Variants in ARHGEF17 observed in about 807,000 individuals in gnomAD.
ARHGEF17 encodes Rho guanine nucleotide exchange factor 17, also known as 164 kDa Rho-specific guanine-nucleotide exchange factor.
ARHGEF17 carries 80 observed loss-of-function variants against 174.0 expected under a neutral mutation model. The observed-to-expected ratio is 0.46, with a 90% CI of 0.38 to 0.55. The LOEUF is 0.55. Among genes scored for constraint, ARHGEF17 ranks in the 20% least tolerant of loss-of-function variants. The pLI is 0.00. For synonymous variants in ARHGEF17, 1,311 were observed against 1,189.1 expected, an observed-to-expected ratio of 1.10 and a Z score of -2.11; for missense variants, 2,886 against 2,839.7, an observed-to-expected ratio of 1.02 and a Z score of -0.37.
rs1435884569 is a variant in ARHGEF17 at position 73,363,287 on chromosome 11, T to C, written c.5078T>C (p.Leu1693Pro). The part of the protein sequence containing the change: ...EEEQEPGFLP[L>P]SGSFGPGGPC... The stretch of plus-strand genomic sequence containing the variant: ...GAGCAGGAGCCAGGCTTCCTGCCAC[T>C]GTCTGGCTCCTTTGGGCCTGGTGGT... Residue 1693 changes from leucine (L) to proline (P), a missense_variant, in exon 15 of 21, where the codon CTG becomes CCG. Physicochemically the swap from Leu to Pro is moderately conservative, Grantham distance 98 (BLOSUM62 -3). This residue lies in a region of ARHGEF17 where 476 missense variants were observed against 473.1 expected (regional missense o/e 1.01). Coordinates refer to ENST00000263674, the MANE Select transcript of ARHGEF17 (RefSeq NM_014786.4). 13 of 1,611,584 alleles carry C rather than the reference T, an allele frequency of 8.1e-6. No homozygotes were observed. The highest frequency in any genetic ancestry group is 1.1e-5 in the Non-Finnish European group (13 of 1,178,840).
At chr11:73,360,688 C>CA (rs1865724140) in intron 11 of ARHGEF17, among the ~76,000 whole-genome samples, 155 bp downstream of exon 11, 1 of 152,166 alleles carries the variant, frequency 6.6e-6, no homozygotes, top group Non-Finnish European at 1.5e-5. Context: ...AGTGAAACAT[C>CA]AGACTGAATA....
Position 73,311,837 on chromosome 11 carries a change from C to T in ARHGEF17, c.3192+7C>T, listed in dbSNP as rs1392234216. On this transcript the variant is annotated splice_region_variant and intron_variant, in intron 1 of 20. Coordinates refer to ENST00000263674, the MANE Select transcript of ARHGEF17 (RefSeq NM_014786.4). ...CTGCAGCAAGCCACAGGTGGTGAGT[C>T]CTTTGTAGGGGCCTTCAGATTGGGG... 7.5e-6 allele frequency: 12 copies of T among 1,590,210 alleles called. No homozygotes were observed. Among genetic ancestry groups the T allele is most frequent in the Non-Finnish European group, 9.4e-6 (11 of 1,164,186 alleles).
intron 1 of ARHGEF17, 49 bp downstream of exon 1, chr11:73,311,879 G>A (rs376238869): frequency 3.2e-5 from 49 of 1,541,458 alleles, no homozygotes; most frequent in Non-Finnish European, 4.2e-5. Context: ...AAGGGCCATG[G>A]GCACCGACTT....
intron 1 of ARHGEF17, among the ~76,000 whole-genome samples, chr11:73,320,275 A>G (rs1864994769): frequency 1.3e-5 from 2 of 150,780 alleles, no homozygotes; most frequent in South Asian, 2.1e-4. Context: ...GCACTTACCT[A>G]CTCCCCCGAG....
chr11:73,358,653 A>T (rs182531474), intron 9 of ARHGEF17, among the ~76,000 whole-genome samples: 50 of 149,622 alleles, frequency 3.3e-4, no homozygotes, highest in Admixed American at 1.5e-3. Context: ...TTTAGTAGAG[A>T]TGGGGTTTCA....
chr11:73,327,009 C>T (rs1486756072), intron 1 of ARHGEF17, among the ~76,000 whole-genome samples: 23 of 152,216 alleles, frequency 1.5e-4, no homozygotes, highest in Admixed American at 1.5e-3. Flanking sequence ...GGGCAACCAG[C>T]CAGGCTCCCT....
At chr11:73,366,398 G>A (rs1865839885) in intron 20 of ARHGEF17, among the ~76,000 whole-genome samples, 1 of 152,158 alleles carries the variant, frequency 6.6e-6, no homozygotes, top group African/African-American at 2.4e-5. Context: ...AACATAGAAT[G>A]GCACTAGCAC....
rs752842419 is a variant in ARHGEF17 at position 73,311,028 on chromosome 11, A to G, written c.2390A>G (p.Gln797Arg). 6.2e-7 allele frequency: 1 copy of G among 1,614,126 alleles called. No homozygotes were observed. Among genetic ancestry groups the G allele is most frequent in the Non-Finnish European group, 8.5e-7 (1 of 1,179,996 alleles). ...SVGSEESKGY[Q>R]EVIQSIVQGP... Reference sequence around the variant, plus strand: ...GGCAGTGAAGAGAGCAAGGGATATCAGGAGGTTATTCAGAGCATAGTTCAG... The same window carrying G: ...GGCAGTGAAGAGAGCAAGGGATATCGGGAGGTTATTCAGAGCATAGTTCAG... Residue 797 changes from glutamine to arginine, a missense_variant, in exon 1 of 21, where the codon CAG becomes CGG. Physicochemically the swap from Gln to Arg is conservative, Grantham distance 43. Coordinates refer to ENST00000263674, the MANE Select transcript of ARHGEF17 (RefSeq NM_014786.4).
intron 20 of ARHGEF17, among the ~76,000 whole-genome samples, chr11:73,366,493 A>C (rs1205331992): frequency 6.6e-6 from 1 of 151,722 alleles, no homozygotes; most frequent in African/African-American, 2.4e-5. Flanking sequence ...GTTTGGGAGG[A>C]TGAGGTGGGA....
rs887005692 is a variant in ARHGEF17, at chr11:73,332,352, T to C, written c.3193-14531T>C. On this transcript the variant is annotated intron_variant, in intron 1 of 20. Coordinates refer to ENST00000263674, the MANE Select transcript of ARHGEF17 (RefSeq NM_014786.4). ...TATTTCCCTCCAGGCTTTTTCTCCGTGTGTGTGTGTGTGTGTGTGTGTGTG... is the reference window on the plus strand; with the variant it reads ...TATTTCCCTCCAGGCTTTTTCTCCGCGTGTGTGTGTGTGTGTGTGTGTGTG... Among the ~76,000 whole-genome samples the C allele has an allele frequency of 5.2e-4, 6 of 11,644 alleles. No individual in the cohort carries two copies. In the South Asian group the frequency reaches 8.8e-3, roughly 17 times the overall value. The allele number at this position is 11,644 out of a possible 152,430, so 7.6% of individuals were successfully genotyped here.
chr11:73,309,168 TC>T lies in ARHGEF17; in HGVS notation c.535del (p.Leu179TrpfsTer10). ...QPPTPPPRTC[F>X]PLAGLRSARP... ...CCGACGCCACCCCCTCGGACATGCT[TC>T]CCCCTGGCGGGTCTGCGTTCGGCGC... On this transcript the variant is annotated frameshift_variant, in exon 1 of 21. Transcript: ENST00000263674. LOFTEE classifies it high-confidence loss of function. 1 of 1,590,180 alleles carries T rather than the reference TC, an allele frequency of 6.3e-7. No homozygotes were observed. Among genetic ancestry groups the T allele is most frequent in the Non-Finnish European group, 8.6e-7 (1 of 1,169,006 alleles).
intron 1 of ARHGEF17, among the ~76,000 whole-genome samples, chr11:73,335,795 C>A (rs931868259): frequency 2.0e-5 from 3 of 151,792 alleles, no homozygotes; most frequent in Non-Finnish European, 4.4e-5. Context: ...TGCCAGGAAG[C>A]CTGGTGGGGA....
rs143655272 is a variant in ARHGEF17 at position 73,315,089 on chromosome 11, T to C, written c.3192+3259T>C. On this transcript the variant is annotated intron_variant, in intron 1 of 20. Coordinates refer to ENST00000263674, the MANE Select transcript of ARHGEF17 (RefSeq NM_014786.4). ...CTGTGGATATCTTACAGTGCAGACT[T>C]AGAGTCGAAGACTGTTGGATTCACC... Among the ~76,000 whole-genome samples, 11 of 152,332 alleles carry C rather than the reference T, an allele frequency of 7.2e-5. No homozygotes were observed. In the East Asian group the frequency reaches 1.9e-3, roughly 27 times the overall value.
rs149213151 is a variant in ARHGEF17 at position 73,310,449 on chromosome 11, G to A, written c.1811G>A (p.Arg604His). The A allele has an allele frequency of 5.8e-4, 941 of 1,613,996 alleles. No homozygotes were observed. Among genetic ancestry groups the A allele is most frequent in the Non-Finnish European group, 7.5e-4 (887 of 1,180,030 alleles). ...CGCCAGGTTTTTGAGAAGATCCAGC[G>A]CATGGGTGCCCAACAAGATGATGGA... ...EARQVFEKIQ[R>H]MGAQQDDGSD... The change falls in exon 1 of 21, where the codon CGC becomes CAC. Residue 604 changes from arginine to histidine, a missense_variant. By Grantham distance (29) the Arg-to-His change is conservative (BLOSUM62 0). Coordinates refer to ENST00000263674, the MANE Select transcript of ARHGEF17 (RefSeq NM_014786.4).
In ARHGEF17 at chr11:73,365,310, A is replaced by G. The variant is rs1415044464; in HGVS notation, c.5551-80A>G. 5 of 1,520,238 alleles carry G rather than the reference A, an allele frequency of 3.3e-6. No individual in the cohort carries two copies. Among genetic ancestry groups the G allele is most frequent in the Non-Finnish European group, 4.5e-6 (5 of 1,109,724 alleles). 94.2% of individuals were successfully genotyped at this position (1,520,238 alleles called of 1,614,324 possible). ...CGCTAGTGTGAGTTGTGAGGGATGG[A>G]CACTGGTGAAGCTCCAGGCTAGGGT... On this transcript the variant is annotated intron_variant, in intron 18 of 20. Coordinates refer to ENST00000263674, the MANE Select transcript of ARHGEF17 (RefSeq NM_014786.4). The surrounding 1 kb of genome is among the most constrained non-coding windows in gnomAD (Gnocchi z 4.9).
intron 1 of ARHGEF17, among the ~76,000 whole-genome samples, chr11:73,315,874 G>T (rs1404052490): frequency 6.6e-6 from 1 of 152,162 alleles, no homozygotes; most frequent in Non-Finnish European, 1.5e-5. Context: ...CGGAGAGGCT[G>T]CTGCTAATCC....
In ARHGEF17 at chr11:73,309,544, G is replaced by C. The variant is rs757353236; in HGVS notation, c.906G>C (p.Leu302Phe). 2 of 1,592,172 alleles carry C rather than the reference G, an allele frequency of 1.3e-6. No individual in the cohort carries two copies. The highest frequency in any genetic ancestry group is 2.2e-5 in the South Asian group (2 of 90,432). The change falls in exon 1 of 21, where the codon TTG becomes TTC. Residue 302 changes from leucine (L) to phenylalanine (F), a missense_variant. By Grantham distance (22) the Leu-to-Phe change is conservative (BLOSUM62 0). This residue lies in a region of ARHGEF17 where 1,728 missense variants were observed against 1,461.2 expected (regional missense o/e 1.18). Coordinates refer to ENST00000263674, the MANE Select transcript of ARHGEF17 (RefSeq NM_014786.4). ...GGCTCAGGCCTGGAAGCTCCCTATT[G>C]GATCAGGACTGCAGGCCTGACAGTG... ...RPGLRPGSSLLDQDCRPDSDG... is the reference protein window; with the variant it reads ...RPGLRPGSSLFDQDCRPDSDG...
In ARHGEF17 at chr11:73,334,002, A is replaced by G. The variant is rs551394406; in HGVS notation, c.3193-12881A>G. 3.3e-5 allele frequency among the ~76,000 whole-genome samples: 5 copies of G among 152,284 alleles called. No homozygotes were observed. In the South Asian group the frequency reaches 1.0e-3, roughly 32 times the overall value. On this transcript the variant is annotated intron_variant, in intron 1 of 20. Transcript: ENST00000263674. ...GCTTTCATTCATCCTCAAATTCACA[A>G]ATGTGAACTGAGCACTTAACTGTGG...
intron 9 of ARHGEF17, 47 bp from the exon 10 acceptor site, chr11:73,359,787 C>T (rs751693442): frequency 1.4e-6 from 2 of 1,472,006 alleles, no homozygotes; most frequent in Admixed American, 2.3e-5. Flanking sequence ...CCCAGCCTGA[C>T]CTTGTCTGTC....
Sources: gnomAD v4.1 joint callset for allele counts (sites outside exome capture counted in the v4.1 genomes callset) on GRCh38, gnomAD v4.1.1 for gene constraint, gnomAD v4.1.1 regional missense constraint, Gnocchi (gnomAD v3.1) non-coding constraint, MANE v1.5 for transcripts, NCBI Gene and HGNC (gene_info 2026-07-23, HGNC 2026-07-21) for gene names.